Variants in VEZT observed in about 807,000 individuals in gnomAD.
VEZT encodes vezatin.
VEZT carries 39 observed loss-of-function variants against 79.9 expected under a neutral mutation model. The ratio of observed to expected loss-of-function variants is 0.49; its 90% CI spans 0.38 to 0.64. VEZT has a LOEUF of 0.64. Among genes scored for constraint, VEZT ranks in the 30% least tolerant of loss-of-function variants. VEZT has a pLI of 0.00. For synonymous variants in VEZT, 325 were observed against 327.6 expected (o/e 0.99, Z 0.09); for missense variants, 837 against 893.1 (o/e 0.94, Z 0.80).
intron 1 of VEZT, among the ~76,000 whole-genome samples, chr12:95,248,970 A>G (rs1312480878): frequency 6.6e-6 from 1 of 152,188 alleles, no homozygotes; most frequent in Non-Finnish European, 1.5e-5. Context: ...ATGTTTTTAA[A>G]CAGCTGGGGA....
In VEZT at chr12:95,266,775, C is replaced by T. The variant is rs190120007; in HGVS notation, c.710+143C>T. 81 of 721,932 alleles carry T rather than the reference C, an allele frequency of 1.1e-4. No individual in the cohort carries two copies. The East Asian group carries it at 2.1e-3, about 18-fold the overall frequency. The allele number at this position is 721,932 out of a possible 1,614,324, so 44.7% of individuals were successfully genotyped here. On this transcript the variant is annotated intron_variant, in intron 5 of 11. Coordinates refer to ENST00000436874, the MANE Select transcript of VEZT (RefSeq NM_017599.4). Reference sequence around the variant, plus strand: ...TTTAGTACTTACTAAAGTCAATTAACTGCTAAGTGAAGGAATAAATACATT... The same window carrying T: ...TTTAGTACTTACTAAAGTCAATTAATTGCTAAGTGAAGGAATAAATACATT...
chr12:95,302,434 A>G lies in VEZT; in HGVS notation c.*1761A>G, dbSNP rs921343276. The G allele has an allele frequency of 3.9e-5, 6 of 152,190 alleles. No individual in the cohort carries two copies. The highest frequency in any genetic ancestry group is 8.8e-5 in the Non-Finnish European group (6 of 68,008). The allele number at this position is 152,190 out of a possible 1,614,324, so 9.4% of individuals were successfully genotyped here. A position where few individuals can be genotyped will look rare whatever the true frequency, so the allele number is the denominator to read the frequency against. On this transcript the variant is annotated 3_prime_UTR_variant, in exon 12 of 12. Coordinates refer to ENST00000436874, the MANE Select transcript of VEZT (RefSeq NM_017599.4). ...AATTTCCAGTCTTTCAGTCTGATCT[A>G]TTTAATTCACTACTTGTTACATAAT...
intron 2 of VEZT, among the ~76,000 whole-genome samples, chr12:95,255,976 C>G (rs1022757129): frequency 1.3e-5 from 2 of 152,110 alleles, no homozygotes; most frequent in African/African-American, 4.8e-5. Flanking sequence ...TCATAACTGT[C>G]CTGGAGTGCG....
At chr12:95,252,232 C>T in intron 2 of VEZT, 161 bp downstream of exon 2, 1 of 650,038 alleles carries the variant, frequency 1.5e-6, no homozygotes, top group East Asian at 3.3e-5. Context: ...TGAATCCTTA[C>T]TGCTTTGGAA....
In VEZT at chr12:95,263,428, T is replaced by C. The variant is rs116590785; in HGVS notation, c.434+347T>C. Among the ~76,000 whole-genome samples the C allele has an allele frequency of 5.8e-3, 876 of 152,268 alleles. 11 individuals carry two copies. The highest frequency in any genetic ancestry group is 0.02 in the African/African-American group (828 of 41,558). On this transcript the variant is annotated intron_variant, in intron 4 of 11. Coordinates refer to ENST00000436874, the MANE Select transcript of VEZT (RefSeq NM_017599.4). ...ACTTTGGGAGGCTGAGGTGGTAGGATTGCTTAAGGCCAAGAGTTTGAGACC... is the reference window on the plus strand; with the variant it reads ...ACTTTGGGAGGCTGAGGTGGTAGGACTGCTTAAGGCCAAGAGTTTGAGACC...
chr12:95,233,822 GT>G (rs1233236350), intron 1 of VEZT, among the ~76,000 whole-genome samples: 2 of 152,046 alleles, frequency 1.3e-5, no homozygotes, highest in Non-Finnish European at 2.9e-5. Context: ...CATTTTGTGG[GT>G]TTTTTAAAAC....
chr12:95,253,173 A>T (rs2062887486), intron 2 of VEZT, among the ~76,000 whole-genome samples: 2 of 152,218 alleles, frequency 1.3e-5, no homozygotes, highest in Non-Finnish European at 2.9e-5. Context: ...TAGAAAAAAC[A>T]TAACCAAATT....
chr12:95,246,445 G>A (rs1483691075), intron 1 of VEZT, among the ~76,000 whole-genome samples: 1 of 152,342 alleles, frequency 6.6e-6, no homozygotes, highest in South Asian at 2.1e-4. Flanking sequence ...TTTATGTGGG[G>A]CCTGCAGGGA....
At chr12:95,294,454 T>TTTA in intron 10 of VEZT, 82 bp downstream of exon 10, 1 of 1,142,770 alleles carries the variant, frequency 8.8e-7, no homozygotes, top group African/African-American at 1.6e-5. Context: ...ATATATTGAA[T>TTTA]TTATATCAGA....
chr12:95,240,073 G>GAAGGAAGGAAAGA (rs1491323550), intron 1 of VEZT, among the ~76,000 whole-genome samples: 4,047 of 98,974 alleles, frequency 0.041, 137 homozygotes, highest in Middle Eastern at 0.082. Flanking sequence ...AGGAAGGAAG[G>GAAGGAAGGAAAGA]AAGAAAAGAA....
At chr12:95,256,597 G>A in intron 2 of VEZT, 1 of 1,289,548 alleles carries the variant, frequency 7.8e-7, no homozygotes, top group Non-Finnish European at 1.0e-6. Flanking sequence ...GCACTTACTG[G>A]CATGCTCAAG....
intron 1 of VEZT, among the ~76,000 whole-genome samples, chr12:95,251,318 T>G (rs1377445401): frequency 1.3e-5 from 2 of 152,196 alleles, no homozygotes. Flanking sequence ...GCAGATTGTA[T>G]TCTTAACCTC....
At chr12:95,264,382 G>A (rs1316874534) in intron 4 of VEZT, among the ~76,000 whole-genome samples, 2 of 152,104 alleles carry the variant, frequency 1.3e-5, no homozygotes, top group African/African-American at 4.8e-5. Flanking sequence ...TTGCTTTATG[G>A]TATTGCCAGT....
chr12:95,292,901 AGTGTAATGAT>A (rs973553214), intron 9 of VEZT, among the ~76,000 whole-genome samples: 12 of 119,142 alleles, frequency 1.0e-4, no homozygotes, highest in African/African-American at 3.4e-4. Context: ...CCCAGGCTGG[AGTGTAATGAT>A]GCAATCTTGG....
intron 1 of VEZT, among the ~76,000 whole-genome samples, chr12:95,251,391 A>G (rs940890450): frequency 2.6e-5 from 4 of 152,212 alleles, no homozygotes; most frequent in African/African-American, 9.6e-5. Flanking sequence ...TATGTAAGAT[A>G]TAGCTTATCT....
intron 2 of VEZT, among the ~76,000 whole-genome samples, chr12:95,252,884 G>A (rs540171898): frequency 6.6e-6 from 1 of 152,308 alleles, no homozygotes; most frequent in East Asian, 1.9e-4. Flanking sequence ...AGAATCGCTT[G>A]AACCTGAGAG....
chr12:95,255,727 G>A (rs531210401), intron 2 of VEZT, among the ~76,000 whole-genome samples: 7 of 152,120 alleles, frequency 4.6e-5, no homozygotes, highest in African/African-American at 7.2e-5. Context: ...CACCGCCCCC[G>A]GCCTTGAATA....
chr12:95,287,295 T>C (rs1029985102), intron 8 of VEZT, among the ~76,000 whole-genome samples: 4 of 152,134 alleles, frequency 2.6e-5, no homozygotes, highest in African/African-American at 4.8e-5. Flanking sequence ...ACTCCAGAAC[T>C]TTTTTCATCT....
chr12:95,239,571 A>G (rs1020975334), intron 1 of VEZT, among the ~76,000 whole-genome samples: 6 of 152,322 alleles, frequency 3.9e-5, no homozygotes, highest in Admixed American at 3.3e-4. Context: ...TGGCTCTGAG[A>G]TCAGCTCTTC....
Sources: gnomAD v4.1 joint callset for allele counts (sites outside exome capture counted in the v4.1 genomes callset) on GRCh38, gnomAD v4.1.1 for gene constraint, MANE v1.5 for transcripts, NCBI Gene and HGNC (gene_info 2026-07-23, HGNC 2026-07-21) for gene names.